KAZN: variants seen among roughly 807,000 people sequenced by gnomAD.
The protein encoded by KAZN is kazrin, periplakin interacting protein.
A neutral mutation model predicts 87.4 loss-of-function variants in KAZN; 40 were observed. That is an observed-to-expected ratio of 0.46 (90% CI 0.36 to 0.60). The LOEUF (loss-of-function observed/expected upper bound fraction) is 0.60, where lower values mean the gene tolerates loss of function less well. Ranked by LOEUF, KAZN falls within the 20% of genes least tolerant of loss-of-function variation. The pLI, the probability that KAZN is intolerant of heterozygous loss-of-function variation, is 0.00. For synonymous variants in KAZN, 466 were observed against 458.3 expected, an observed-to-expected ratio of 1.02 and a Z score of -0.22; for missense variants, 898 against 1,073.9, an observed-to-expected ratio of 0.84 and a Z score of 2.29.
At chr1:15,061,605 C>T (rs920749114) in intron 6 of KAZN, 1 of 152,222 alleles carries the variant, frequency 6.6e-6, no homozygotes, top group Non-Finnish European at 1.5e-5. Context: ...CTGCAACCAA[C>T]ACCTTCCAGG....
intron 2 of KAZN, among the ~76,000 whole-genome samples, chr1:14,551,253 A>G (rs953585793): frequency 3.3e-5 from 5 of 152,166 alleles, no homozygotes; most frequent in African/African-American, 1.2e-4. Context: ...GCTGCTAATT[A>G]GGGTGGGAGG....
At chr1:15,098,186 T>G (rs1346458767) in intron 10 of KAZN, among the ~76,000 whole-genome samples, 1 of 152,190 alleles carries the variant, frequency 6.6e-6, no homozygotes, top group Non-Finnish European at 1.5e-5. Flanking sequence ...ATATCTAAAT[T>G]TTGTGCCGTC....
chr1:15,059,450 G>A (rs943317149), intron 5 of KAZN, among the ~76,000 whole-genome samples: 1 of 152,220 alleles, frequency 6.6e-6, no homozygotes, highest in Non-Finnish European at 1.5e-5. Context: ...GCAGGGCCGT[G>A]GCACATCAGG....
At chr1:14,828,185 T>C (rs1434029272) in intron 1 of KAZN, among the ~76,000 whole-genome samples, 1 of 152,216 alleles carries the variant, frequency 6.6e-6, no homozygotes, top group Non-Finnish European at 1.5e-5. Context: ...TCAGGGAACT[T>C]TCTGAATTGT....
At chr1:14,280,076 GTTGC>G (rs1226550921) in intron 2 of KAZN, among the ~76,000 whole-genome samples, 2 of 152,014 alleles carry the variant, frequency 1.3e-5, no homozygotes, top group African/African-American at 4.8e-5. Context: ...TTAAGATGAG[GTTGC>G]GGCCGGGCGC....
chr1:14,173,569 T>C (rs1570935872), intron 1 of KAZN, among the ~76,000 whole-genome samples: 1 of 152,208 alleles, frequency 6.6e-6, no homozygotes, highest in South Asian at 2.1e-4. Context: ...GCCGGAACTA[T>C]TGAGAAAGAG....
intron 2 of KAZN, among the ~76,000 whole-genome samples, chr1:14,294,614 T>G (rs1653974595): frequency 6.7e-6 from 1 of 148,776 alleles, no homozygotes; most frequent in South Asian, 2.1e-4. Flanking sequence ...AGATGGGGGT[T>G]CTTCTTTCCA....
chr1:14,980,764 C>T (rs1271007016), intron 2 of KAZN, among the ~76,000 whole-genome samples: 4 of 151,976 alleles, frequency 2.6e-5, no homozygotes, highest in East Asian at 1.9e-4. Context: ...GGCAGGAAGC[C>T]GAGGCAGAGA....
At chr1:14,544,350 C>CTTTCTTTTTTTTTTTTTTTT (rs1553186409) in intron 2 of KAZN, among the ~76,000 whole-genome samples, 1 of 98,120 alleles carries the variant, frequency 1.0e-5, no homozygotes, top group Non-Finnish European at 1.9e-5. Context: ...TTCTTTCTTT[C>CTTTCTTTTTTTTTTTTTTTT]TTTTTTTTTT....
chr1:13,926,657 A>C (rs979231595), intron 1 of KAZN, among the ~76,000 whole-genome samples: 3 of 122,144 alleles, frequency 2.5e-5, no homozygotes, highest in Admixed American at 2.2e-4. Context: ...AGAGTTAAAA[A>C]AAAAAAAAAA....
At chr1:14,087,683 A>G (rs907608908) in intron 1 of KAZN, among the ~76,000 whole-genome samples, 6 of 151,900 alleles carry the variant, frequency 3.9e-5, no homozygotes, top group Non-Finnish European at 7.4e-5. Context: ...AAAATTTTAA[A>G]ATTATTTTTA....
chr1:14,868,747 G>A (rs1301931989), intron 1 of KAZN, among the ~76,000 whole-genome samples: 1 of 151,766 alleles, frequency 6.6e-6, no homozygotes, highest in Non-Finnish European at 1.5e-5. Context: ...GGGAGGCTGG[G>A]GTGGGGGGAT....
intron 1 of KAZN, among the ~76,000 whole-genome samples, chr1:14,818,953 G>A (rs1646655372): frequency 6.6e-6 from 1 of 152,204 alleles, no homozygotes; most frequent in African/African-American, 2.4e-5. Flanking sequence ...TGCCTGGGAG[G>A]CTGAGGCAGG....
At chr1:14,127,149 G>A (rs1644889975) in intron 1 of KAZN, among the ~76,000 whole-genome samples, 2 of 152,158 alleles carry the variant, frequency 1.3e-5, no homozygotes, top group Admixed American at 1.3e-4. Context: ...TTTGCCTCCA[G>A]TGACTTCTTT....
intron 2 of KAZN, among the ~76,000 whole-genome samples, chr1:14,466,005 C>T (rs899616590): frequency 2.0e-5 from 3 of 152,176 alleles, no homozygotes; most frequent in African/African-American, 7.2e-5. Context: ...AGTACAGCAA[C>T]ATGCTATACA....
chr1:14,989,480 A>C (rs1340047543), intron 2 of KAZN, among the ~76,000 whole-genome samples: 1 of 151,180 alleles, frequency 6.6e-6, no homozygotes, highest in Non-Finnish European at 1.5e-5. Context: ...TGTTTCAAAA[A>C]AAGAAAAAAG....
intron 2 of KAZN, among the ~76,000 whole-genome samples, chr1:14,295,865 G>A (rs536071900): frequency 2.0e-5 from 3 of 152,092 alleles, no homozygotes; most frequent in Non-Finnish European, 2.9e-5. Context: ...GCTAGATCAC[G>A]GGGTACTGTC....
chr1:14,304,713 C>T (rs2100791217), intron 2 of KAZN: 1 of 398,174 alleles, frequency 2.5e-6, no homozygotes, highest in East Asian at 3.6e-5. Context: ...CGTATAACCA[C>T]TCGAAATCTC....
chr1:14,461,967 T>C (rs1350329573), intron 2 of KAZN, among the ~76,000 whole-genome samples: 1 of 151,894 alleles, frequency 6.6e-6, no homozygotes, highest in East Asian at 1.9e-4. Context: ...TTTGGCTGTG[T>C]CCCCACCCAA....
Sources: allele counts gnomAD v4.1 joint callset (sites outside exome capture counted in the v4.1 genomes callset), GRCh38; gene constraint gnomAD v4.1.1; transcripts MANE v1.5; gene names NCBI Gene and HGNC (gene_info 2026-07-23, HGNC 2026-07-21).